PDE4D: variants seen among roughly 807,000 people sequenced by gnomAD.
PDE4D encodes the protein phosphodiesterase 4D.
PDE4D carries 24 observed loss-of-function variants against 87.4 expected under a neutral mutation model. That is an observed-to-expected ratio of 0.27 (90% CI 0.20 to 0.39). The LOEUF is 0.39. Ranked by LOEUF, PDE4D falls within the 10% of genes least tolerant of loss-of-function variation. PDE4D has a pLI of 1.00. For synonymous variants in PDE4D, 384 were observed against 383.2 expected, an observed-to-expected ratio of 1.00 and a Z score of -0.02; for missense variants, 714 against 1,041.0, an observed-to-expected ratio of 0.69 and a Z score of 4.32.
intron 3 of PDE4D, among the ~76,000 whole-genome samples, chr5:59,930,920 T>C (rs1755838224): frequency 6.6e-6 from 1 of 152,212 alleles, no homozygotes; most frequent in Non-Finnish European, 1.5e-5. Context: ...AAAGTACTGG[T>C]AATTTTAGGC....
intron 1 of PDE4D, among the ~76,000 whole-genome samples, chr5:59,253,891 G>A (rs370018629): frequency 1.3e-5 from 2 of 152,076 alleles, no homozygotes; most frequent in African/African-American, 4.8e-5. Context: ...ATGAATACAT[G>A]AGTGAATATA....
At chr5:59,979,852 G>A (rs1023523408) in intron 3 of PDE4D, among the ~76,000 whole-genome samples, 1 of 151,934 alleles carries the variant, frequency 6.6e-6, no homozygotes, top group Non-Finnish European at 1.5e-5. Context: ...GGGGAAGTGT[G>A]TTTAACCCAA....
chr5:59,728,256 T>C (rs1486358092), intron 1 of PDE4D, among the ~76,000 whole-genome samples: 1 of 152,080 alleles, frequency 6.6e-6, no homozygotes, highest in African/African-American at 2.4e-5. Context: ...ATGAACATAA[T>C]ATAAAAGGGA....
At chr5:60,252,504 G>A (rs1438820683) in intron 1 of PDE4D, among the ~76,000 whole-genome samples, 1 of 151,406 alleles carries the variant, frequency 6.6e-6, no homozygotes, top group Non-Finnish European at 1.5e-5. Flanking sequence ...AAAAAGTGGG[G>A]AGCCTTTCAA....
intron 1 of PDE4D, among the ~76,000 whole-genome samples, chr5:60,367,224 A>C (rs1298613073): frequency 6.6e-6 from 1 of 152,024 alleles, no homozygotes; most frequent in Non-Finnish European, 1.5e-5. Flanking sequence ...CGAGGTGGGC[A>C]GATCACCTGG....
At chr5:59,243,448 CTTTTTTTTT>C (rs767287011) in intron 1 of PDE4D, among the ~76,000 whole-genome samples, 4 of 72,282 alleles carry the variant, frequency 5.5e-5, no homozygotes, top group Admixed American at 4.0e-4. Context: ...TTAAAATAAC[CTTTTTTTTT>C]TTTTTTTTTT....
chr5:59,733,685 A>G (rs1355124149), intron 1 of PDE4D, among the ~76,000 whole-genome samples: 1 of 152,110 alleles, frequency 6.6e-6, no homozygotes, highest in Non-Finnish European at 1.5e-5. Flanking sequence ...ACATATGCCT[A>G]ATCATCAATG....
intron 1 of PDE4D, among the ~76,000 whole-genome samples, chr5:59,444,862 T>C (rs540559366): frequency 2.8e-4 from 43 of 152,218 alleles, no homozygotes; most frequent in African/African-American, 1.0e-3. Context: ...TCCCTACATA[T>C]TGCCAGCTAT....
At chr5:59,956,474 G>GA (rs1017110345) in intron 3 of PDE4D, among the ~76,000 whole-genome samples, 25 of 150,592 alleles carry the variant, frequency 1.7e-4, no homozygotes, top group East Asian at 1.4e-3. Context: ...ACTCATTGTG[G>GA]AAAAAAAAAG....
chr5:59,045,803 T>C lies in PDE4D; in HGVS notation c.809-6832A>G, dbSNP rs531456937. Among the ~76,000 whole-genome samples, 4 of 152,284 alleles carry C rather than the reference T, an allele frequency of 2.6e-5. No individual in the cohort carries two copies. The East Asian group carries it at 7.7e-4, about 29-fold the overall frequency. ...TTTTATATGGAAAATTCTAGTGCTA[T>C]GCAATTAATGGAATTTAAGAAAGTA... On this transcript the variant is annotated intron_variant, in intron 5 of 14. Transcript: ENST00000340635.
rs562236965 is a variant in PDE4D, at chr5:60,194,885, C to T, written c.-89-9198G>A. 3.3e-5 allele frequency among the ~76,000 whole-genome samples: 5 copies of T among 151,796 alleles called. No individual in the cohort carries two copies. In the South Asian group the frequency reaches 8.3e-4, roughly 25 times the overall value. On this transcript the variant is annotated intron_variant, in intron 1 of 16. Transcript: ENST00000502484. ...TCTATCAATAGCTGCCTATCCCCTA[C>T]AGCATAAAGTCCAAATAAATCTCCT...
chr5:60,105,984 C>T (rs1441548096), intron 2 of PDE4D, among the ~76,000 whole-genome samples: 1 of 152,150 alleles, frequency 6.6e-6, no homozygotes, highest in Non-Finnish European at 1.5e-5. Flanking sequence ...ATCATAATGA[C>T]AGGATCAACT....
intron 1 of PDE4D, among the ~76,000 whole-genome samples, chr5:59,642,890 CTTGTT>C (rs1383007411): frequency 6.6e-6 from 1 of 152,110 alleles, no homozygotes; most frequent in Non-Finnish European, 1.5e-5. Context: ...CTAATAAACT[CTTGTT>C]TAGGTAAAAT....
intron 2 of PDE4D, among the ~76,000 whole-genome samples, chr5:60,085,723 C>T (rs2152906893): frequency 6.6e-6 from 1 of 152,244 alleles, no homozygotes; most frequent in African/African-American, 2.4e-5. Context: ...AAAATCCTTC[C>T]AGCTAAGATA....
chr5:59,573,382 G>C (rs1271439165), intron 1 of PDE4D, among the ~76,000 whole-genome samples: 2 of 152,070 alleles, frequency 1.3e-5, no homozygotes, highest in African/African-American at 4.8e-5. Flanking sequence ...CTTCAAGTAA[G>C]ACATACATAT....
intron 1 of PDE4D, among the ~76,000 whole-genome samples, chr5:59,502,908 C>CT (rs60143243): frequency 0.029 from 3,862 of 131,066 alleles, 75 homozygotes; most frequent in African/African-American, 0.054. Context: ...GATTAGAAGG[C>CT]TTTTTTTTTT....
At chr5:59,550,168 A>G (rs527888412) in intron 1 of PDE4D, among the ~76,000 whole-genome samples, 21 of 151,594 alleles carry the variant, frequency 1.4e-4, no homozygotes, top group Non-Finnish European at 2.7e-4. Flanking sequence ...TTATTTTTTC[A>G]TTTAACATAA....
At chr5:59,352,686 G>T (rs1452014522) in intron 1 of PDE4D, among the ~76,000 whole-genome samples, 1 of 152,036 alleles carries the variant, frequency 6.6e-6, no homozygotes, top group Non-Finnish European at 1.5e-5. Flanking sequence ...GGTAATTTAG[G>T]GATATCTAGA....
chr5:59,200,202 TG>T (rs1179338497), intron 2 of PDE4D, among the ~76,000 whole-genome samples: 3 of 127,302 alleles, frequency 2.4e-5, no homozygotes, highest in African/African-American at 8.3e-5. Flanking sequence ...TACACGTGTA[TG>T]TATAGATACA....
Sources: gnomAD v4.1 joint callset for allele counts (sites outside exome capture counted in the v4.1 genomes callset) on GRCh38, gnomAD v4.1.1 for gene constraint, MANE v1.5 for transcripts, NCBI Gene and HGNC (gene_info 2026-07-23, HGNC 2026-07-21) for gene names.